SUCLG2: variants seen among roughly 807,000 people sequenced by gnomAD.
SUCLG2 encodes succinate--CoA ligase [GDP-forming] subunit beta, mitochondrial.
A neutral mutation model predicts 47.9 loss-of-function variants in SUCLG2; 42 were observed. The observed-to-expected ratio is 0.88, with a 90% CI of 0.69 to 1.14. The LOEUF (loss-of-function observed/expected upper bound fraction) is 1.14, where lower values mean the gene tolerates loss of function less well. Ranked by LOEUF, SUCLG2 falls within the 50% of genes most tolerant of loss-of-function variation. The pLI, the probability that SUCLG2 is intolerant of heterozygous loss-of-function variation, is 0.00. For missense variants in SUCLG2, 571 were observed against 525.9 expected, an observed-to-expected ratio of 1.09 and a Z score of -0.84; for synonymous variants, 195 against 197.3, an observed-to-expected ratio of 0.99 and a Z score of 0.10.
In SUCLG2 at chr3:67,606,417, C is replaced by T. The variant is rs142209631; in HGVS notation, c.226+3038G>A. On this transcript the variant is annotated intron_variant, in intron 2 of 10. Coordinates refer to ENST00000307227, the MANE Select transcript of SUCLG2 (RefSeq NM_003848.4). ...GGCCTCCAGAATTCTCTTTAAAAAA[C>T]TTAGTTATACCTGCAATGCTAGTGC... Among the ~76,000 whole-genome samples the T allele has an allele frequency of 6.8e-3, 1,034 of 152,248 alleles. 2 individuals carry two copies. Among genetic ancestry groups the T allele is most frequent in the Middle Eastern group, 0.014 (4 of 294 alleles).
chr3:67,415,603 C>T (rs539292972), intron 9 of SUCLG2, among the ~76,000 whole-genome samples: 1 of 152,334 alleles, frequency 6.6e-6, no homozygotes, highest in Non-Finnish European at 1.5e-5. Flanking sequence ...TTATACTCTT[C>T]TACTCTAACA....
intron 2 of SUCLG2, among the ~76,000 whole-genome samples, chr3:67,597,342 G>C (rs1708317151): frequency 6.6e-6 from 1 of 152,114 alleles, no homozygotes; most frequent in Non-Finnish European, 1.5e-5. Context: ...AAAGTCACTG[G>C]GTATGTATAC....
chr3:67,636,598 T>C (rs1701014588), intron 1 of SUCLG2, among the ~76,000 whole-genome samples: 2 of 151,706 alleles, frequency 1.3e-5, no homozygotes, highest in South Asian at 2.1e-4. Context: ...GTGATCCACC[T>C]GCCTCGGCCT....
chr3:67,514,041 C>T (rs1419743085), intron 6 of SUCLG2: 1 of 357,876 alleles, frequency 2.8e-6, no homozygotes, highest in South Asian at 2.4e-5. Context: ...AGGCGCAAGC[C>T]GAGCGGTTGG....
At chr3:67,602,384 C>T (rs1487216090) in intron 2 of SUCLG2, among the ~76,000 whole-genome samples, 1 of 152,110 alleles carries the variant, frequency 6.6e-6, no homozygotes, top group African/African-American at 2.4e-5. Context: ...GCTACATGTA[C>T]ACTCCCATAA....
At chr3:67,522,824 C>A (rs1255537455) in intron 4 of SUCLG2, among the ~76,000 whole-genome samples, 1 of 150,770 alleles carries the variant, frequency 6.6e-6, no homozygotes, top group Non-Finnish European at 1.5e-5. Context: ...CCACCACACC[C>A]GGCTAATTTT....
intron 4 of SUCLG2, 56 bp from the exon 5 acceptor site, chr3:67,520,690 G>A (rs1706076748): frequency 1.3e-6 from 2 of 1,550,698 alleles, no homozygotes; most frequent in African/African-American, 1.4e-5. Flanking sequence ...TTTCTACTTG[G>A]AAATCTATAC....
intron 1 of SUCLG2, among the ~76,000 whole-genome samples, chr3:67,628,764 T>C (rs1700878006): frequency 6.6e-6 from 1 of 152,200 alleles, no homozygotes; most frequent in Non-Finnish European, 1.5e-5. Flanking sequence ...TTGTGAGGCC[T>C]CCCCAGCCAT....
intron 6 of SUCLG2, among the ~76,000 whole-genome samples, chr3:67,509,175 T>C (rs1361547186): frequency 1.3e-5 from 2 of 152,246 alleles, no homozygotes; most frequent in Non-Finnish European, 2.9e-5. Flanking sequence ...TTTTGTAAAT[T>C]ATCATGTCTC....
chr3:67,423,963 A>G (rs1703236443), intron 9 of SUCLG2, among the ~76,000 whole-genome samples: 1 of 152,212 alleles, frequency 6.6e-6, no homozygotes, highest in Non-Finnish European at 1.5e-5. Context: ...GTTCCACTTC[A>G]TGAAGTCTCT....
rs889713989 is a variant in SUCLG2, at chr3:67,498,077, G to C, written c.919+57C>G. ...GGTAAGTGACATTTCAGAAATCAAG[G>C]TTTCCTAAATTCTATAAGAATCCAC... On this transcript the variant is annotated intron_variant, in intron 8 of 10. Transcript: ENST00000307227. The C allele has an allele frequency of 4.7e-6, 7 of 1,502,978 alleles. No homozygotes were observed. The South Asian group carries it at 7.9e-5, about 17-fold the overall frequency. 93.1% of individuals were successfully genotyped at this position (1,502,978 alleles called of 1,614,324 possible). A position where few individuals can be genotyped will look rare whatever the true frequency, so the allele number is the denominator to read the frequency against.
chr3:67,504,517 G>T (rs1705585492), intron 7 of SUCLG2, among the ~76,000 whole-genome samples: 1 of 152,172 alleles, frequency 6.6e-6, no homozygotes, highest in Non-Finnish European at 1.5e-5. Flanking sequence ...CCCAGTGAAT[G>T]GATTTCAGCT....
chr3:67,407,406 T>C (rs918554498), intron 9 of SUCLG2, among the ~76,000 whole-genome samples: 2 of 152,216 alleles, frequency 1.3e-5, no homozygotes, highest in Non-Finnish European at 2.9e-5. Flanking sequence ...GCAGTAGTGG[T>C]GGCCAATTAC....
intron 9 of SUCLG2, among the ~76,000 whole-genome samples, chr3:67,452,942 G>A (rs759798745): frequency 2.6e-5 from 4 of 152,160 alleles, no homozygotes; most frequent in Non-Finnish European, 5.9e-5. Flanking sequence ...ACGTTTTAAA[G>A]GAGCCTCTGG....
chr3:67,624,977 G>C (rs1002824932), intron 1 of SUCLG2, among the ~76,000 whole-genome samples: 2 of 152,170 alleles, frequency 1.3e-5, no homozygotes, highest in Non-Finnish European at 2.9e-5. Context: ...CAGTATCTAA[G>C]CAGCAAAGGA....
intron 9 of SUCLG2, among the ~76,000 whole-genome samples, chr3:67,442,918 C>G (rs1703807210): frequency 6.6e-6 from 1 of 152,138 alleles, no homozygotes; most frequent in Non-Finnish European, 1.5e-5. Context: ...GAGTCACACA[C>G]ATAAATAATA....
chr3:67,369,737 C>T (rs1462277014), downstream of SUCLG2, among the ~76,000 whole-genome samples: 4 of 152,166 alleles, frequency 2.6e-5, no homozygotes, highest in Admixed American at 6.5e-5. Context: ...GAAAAGACGC[C>T]CACTGGCTTT....
chr3:67,465,251 T>C (rs1704442118), intron 9 of SUCLG2, among the ~76,000 whole-genome samples: 1 of 152,130 alleles, frequency 6.6e-6, no homozygotes, highest in Admixed American at 6.5e-5. Flanking sequence ...TACAATTTTA[T>C]CCAGAATGAA....
At chr3:67,427,640 G>A (rs978915080) in intron 9 of SUCLG2, among the ~76,000 whole-genome samples, 2 of 152,126 alleles carry the variant, frequency 1.3e-5, no homozygotes, top group African/African-American at 4.8e-5. Flanking sequence ...GCAGCCCATG[G>A]AGCACGAGCC....
Sources: gnomAD v4.1 joint callset for allele counts (sites outside exome capture counted in the v4.1 genomes callset) on GRCh38, gnomAD v4.1.1 for gene constraint, MANE v1.5 for transcripts, NCBI Gene and HGNC (gene_info 2026-07-23, HGNC 2026-07-21) for gene names.